The following FAT3 variants were observed in gnomAD, a reference collection of about 807,000 sequenced individuals.
The protein encoded by FAT3 is protocadherin Fat 3.
A neutral mutation model predicts 310.2 loss-of-function variants in FAT3; 95 were observed. That is an observed-to-expected ratio of 0.31 (90% CI 0.26 to 0.36). The LOEUF is 0.36. Ranked by LOEUF, FAT3 falls within the 10% of genes least tolerant of loss-of-function variation. FAT3 has a pLI of 1.00. For missense variants in FAT3, 5,408 were observed against 5,715.6 expected (o/e 0.95, Z 1.74); for synonymous variants, 2,314 against 2,192.9 (o/e 1.06, Z -1.54).
intron 3 of FAT3, among the ~76,000 whole-genome samples, chr11:92,608,387 AG>A (rs1940404121): frequency 6.6e-6 from 1 of 152,146 alleles, no homozygotes; most frequent in Admixed American, 6.5e-5. Flanking sequence ...TTATGCTGTT[AG>A]TTGTTACTTT....
intron 2 of FAT3, among the ~76,000 whole-genome samples, chr11:92,429,741 ATCTGCT>A (rs1343568348): frequency 6.6e-6 from 1 of 152,090 alleles, no homozygotes; most frequent in Non-Finnish European, 1.5e-5. Context: ...CTGCAGAGAG[ATCTGCT>A]TTTAGTATGA....
At chr11:92,711,444 C>G (rs756783901) in intron 4 of FAT3, among the ~76,000 whole-genome samples, 4 of 152,120 alleles carry the variant, frequency 2.6e-5, no homozygotes, top group Non-Finnish European at 5.9e-5. Context: ...CCTAGTGATA[C>G]TTCTGTAGTG....
intron 2 of FAT3, among the ~76,000 whole-genome samples, chr11:92,484,050 TA>T (rs1952306799): frequency 6.6e-6 from 1 of 152,202 alleles, no homozygotes; most frequent in Non-Finnish European, 1.5e-5. Flanking sequence ...GTGACACAAG[TA>T]AGTGGTCAAG....
intron 2 of FAT3, among the ~76,000 whole-genome samples, chr11:92,504,303 C>T (rs983349464): frequency 1.6e-4 from 24 of 152,076 alleles, no homozygotes; most frequent in African/African-American, 5.6e-4. Flanking sequence ...TTCCACCCAT[C>T]TTTTTTTCAA....
rs1376492608 is a variant in FAT3 at position 92,895,183 on chromosome 11, T to C, written c.*4070T>C. The C allele has an allele frequency of 6.6e-6, 1 of 152,218 alleles. No individual in the cohort carries two copies. The highest frequency in any genetic ancestry group is 2.4e-5 in the African/African-American group (1 of 41,472). 9.4% of individuals were successfully genotyped at this position (152,218 alleles called of 1,614,324 possible). ...GTTTTATGTTTTTAGTTTCAAACTATGGGAAATGGAGATTTGAAGAGGCAT... is the reference window on the plus strand; with the variant it reads ...GTTTTATGTTTTTAGTTTCAAACTACGGGAAATGGAGATTTGAAGAGGCAT... On this transcript the variant is annotated 3_prime_UTR_variant, in exon 28 of 28. Coordinates refer to ENST00000525166, the MANE Select transcript of FAT3 (RefSeq NM_001367949.2).
At position 92,844,354 on chromosome 11, in the gene FAT3, G is replaced by A; in HGVS notation, c.10987G>A (p.Gly3663Arg). The A allele has an allele frequency of 6.2e-7, 1 of 1,613,912 alleles. No individual in the cohort carries two copies. Among genetic ancestry groups the A allele is most frequent in the Non-Finnish European group, 8.5e-7 (1 of 1,179,896 alleles). Residue 3663 changes from glycine to arginine, a missense_variant, in exon 19 of 28, where the codon GGG (glycine) becomes AGG (arginine). Transcript: ENST00000525166. ...AAATGTGTCCCCTGAGGACTTCGTG[G>A]GGCTGCACATGCATGGGTTCCGGCG... The part of the protein sequence containing the change: ...FENVSPEDFV[G>R]LHMHGFRRTL...
In FAT3 at chr11:92,840,703, C is replaced by T. The variant is rs374761777; in HGVS notation, c.10510C>T (p.Arg3504Trp). The stretch of plus-strand genomic sequence containing the variant: ...TGTGTTGGACCCTCATGGGATCTTG[C>T]GGTCGGCTGTGGTCTTCCAGCACAC... ...EFVLDPHGILRSAVVFQHTES... is the reference protein window; with the variant it reads ...EFVLDPHGILWSAVVFQHTES... Residue 3504 changes from arginine to tryptophan, a missense_variant, in exon 18 of 28, where the codon CGG becomes TGG. This residue lies in a region of FAT3 where 4,588 missense variants were observed against 4,809.8 expected (regional missense o/e 0.95). Coordinates refer to ENST00000525166, the MANE Select transcript of FAT3 (RefSeq NM_001367949.2). 1.1e-5 allele frequency: 18 copies of T among 1,608,666 alleles called. No homozygotes were observed. The highest frequency in any genetic ancestry group is 8.0e-5 in the African/African-American group (6 of 74,786).
At chr11:92,577,035 CATTCATT>C (rs1224335014) in intron 3 of FAT3, among the ~76,000 whole-genome samples, 1 of 151,926 alleles carries the variant, frequency 6.6e-6, no homozygotes, top group African/African-American at 2.4e-5. Flanking sequence ...TTCATTCATT[CATTCATT>C]CATTCTTTTA....
chr11:92,719,507 T>C (rs750202641), intron 4 of FAT3, among the ~76,000 whole-genome samples: 4 of 106,320 alleles, frequency 3.8e-5, no homozygotes, highest in South Asian at 2.6e-4. Flanking sequence ...GAAACCTGTA[T>C]TCTTTAAGTC....
intron 2 of FAT3, among the ~76,000 whole-genome samples, chr11:92,490,289 A>T (rs1054252696): frequency 6.6e-6 from 1 of 152,104 alleles, no homozygotes; most frequent in Non-Finnish European, 1.5e-5. Flanking sequence ...TTCAAATTTC[A>T]GAAAGGCTGG....
intron 3 of FAT3, among the ~76,000 whole-genome samples, chr11:92,573,123 G>A (rs1353543951): frequency 6.6e-6 from 1 of 152,076 alleles, no homozygotes; most frequent in African/African-American, 2.4e-5. Flanking sequence ...ACTTATGCAG[G>A]TGCTATCAGG....
intron 13 of FAT3, among the ~76,000 whole-genome samples, chr11:92,818,750 G>A (rs1258970592): frequency 6.6e-6 from 1 of 152,188 alleles, no homozygotes; most frequent in African/African-American, 2.4e-5. Context: ...CGACCTCAAA[G>A]CATCAGTGTG....
intron 3 of FAT3, among the ~76,000 whole-genome samples, chr11:92,527,646 T>C (rs1362929012): frequency 1.3e-5 from 2 of 152,232 alleles, no homozygotes; most frequent in Non-Finnish European, 2.9e-5. Context: ...TTAATGGTGT[T>C]GCTCTAAGTA....
At chr11:92,243,670 T>C (rs1036799482) in intron 1 of FAT3, among the ~76,000 whole-genome samples, 1 of 152,056 alleles carries the variant, frequency 6.6e-6, no homozygotes, top group South Asian at 2.1e-4. Context: ...GCAAATGTAA[T>C]GTTAGAGTTC....
intron 4 of FAT3, among the ~76,000 whole-genome samples, chr11:92,741,704 A>T (rs555218574): frequency 6.6e-6 from 1 of 152,302 alleles, no homozygotes; most frequent in East Asian, 1.9e-4. Flanking sequence ...AAAATACTTT[A>T]TCCAAGATGA....
In FAT3 at chr11:92,544,775, C is replaced by T. The variant is rs186579415; in HGVS notation, c.3607+19827C>T. Among the ~76,000 whole-genome samples, 18 of 152,274 alleles carry T rather than the reference C, an allele frequency of 1.2e-4. No individual in the cohort carries two copies. In the East Asian group the frequency reaches 2.7e-3, roughly 23 times the overall value. On this transcript the variant is annotated intron_variant, in intron 3 of 27. Transcript: ENST00000525166. ...TGGGAACAGGGAAGGTATCGCCAAC[C>T]GCTTCAGCCCTCAGGGAGCTCCTGG...
intron 2 of FAT3, among the ~76,000 whole-genome samples, chr11:92,507,525 A>G (rs1953147408): frequency 6.6e-6 from 1 of 151,896 alleles, no homozygotes; most frequent in Non-Finnish European, 1.5e-5. Context: ...ATACACATGT[A>G]TATATACACA....
At chr11:92,425,070 A>G (rs896948812) in intron 2 of FAT3, among the ~76,000 whole-genome samples, 1 of 152,108 alleles carries the variant, frequency 6.6e-6, no homozygotes, top group Non-Finnish European at 1.5e-5. Flanking sequence ...CATCATATGG[A>G]TGTGTCACAT....
intron 3 of FAT3, among the ~76,000 whole-genome samples, chr11:92,606,901 C>G (rs1278241552): frequency 3.3e-5 from 5 of 152,132 alleles, no homozygotes; most frequent in African/African-American, 1.2e-4. Context: ...GGTCCCCTGC[C>G]CAAGACAGTG....
Sources: allele counts gnomAD v4.1 joint callset (sites outside exome capture counted in the v4.1 genomes callset), GRCh38; gene constraint gnomAD v4.1.1; regional missense constraint gnomAD v4.1.1; transcripts MANE v1.5; gene names NCBI Gene and HGNC (gene_info 2026-07-23, HGNC 2026-07-21).